The following MAML3 variants were observed in gnomAD, a reference collection of about 807,000 sequenced individuals.
The protein encoded by MAML3 is mastermind-like protein 3.
MAML3 carries 27 observed loss-of-function variants against 101.9 expected under a neutral mutation model. The ratio of observed to expected loss-of-function variants is 0.27; its 90% CI spans 0.20 to 0.37. MAML3 has a LOEUF of 0.37. Among genes scored for constraint, MAML3 ranks in the 10% least tolerant of loss-of-function variants. The pLI is 1.00. For synonymous variants in MAML3, 501 were observed against 555.9 expected (o/e 0.90, Z 1.39); for missense variants, 1,316 against 1,444.9 (o/e 0.91, Z 1.45).
At chr4:140,096,758 T>C (rs1250677385) in intron 1 of MAML3, among the ~76,000 whole-genome samples, 2 of 152,100 alleles carry the variant, frequency 1.3e-5, no homozygotes. Context: ...CAAACCCTAA[T>C]GACACCATCA....
intron 1 of MAML3, among the ~76,000 whole-genome samples, chr4:140,104,395 T>TAA (rs1491536300): frequency 3.2e-5 from 1 of 31,080 alleles, no homozygotes; most frequent in Non-Finnish European, 9.0e-5. Context: ...ATATTATATA[T>TAA]TATATAATAT....
intron 2 of MAML3, among the ~76,000 whole-genome samples, chr4:139,851,144 A>G (rs1731539934): frequency 6.6e-6 from 1 of 152,174 alleles, no homozygotes; most frequent in African/African-American, 2.4e-5. Context: ...TGGTTTTATA[A>G]TCTTACAGCC....
In MAML3 at chr4:139,768,694, C is replaced by T. The variant is rs79632043; in HGVS notation, c.2080-38027G>A. On this transcript the variant is annotated intron_variant, in intron 2 of 4. Transcript: ENST00000509479. ...ACTACGCTGATGTTGAGAAGGTAGC[C>T]TTGGTGGGCCAGGGCAGAGACCAGT... 2.2e-4 allele frequency among the ~76,000 whole-genome samples: 34 copies of T among 152,322 alleles called. No individual in the cohort carries two copies. In the East Asian group the frequency reaches 6.6e-3, roughly 29 times the overall value.
rs1169183094 is a variant in MAML3 at position 139,735,716 on chromosome 4, A to G, written c.2080-5049T>C. ...TAATTTAGCCTCTCGACTCCAGCCTATATGCTTACAAGTCCTCAGGGGACT... is the reference window on the plus strand; with the variant it reads ...TAATTTAGCCTCTCGACTCCAGCCTGTATGCTTACAAGTCCTCAGGGGACT... On this transcript the variant is annotated intron_variant, in intron 2 of 4. Coordinates refer to ENST00000509479, the MANE Select transcript of MAML3 (RefSeq NM_018717.5). The surrounding 1 kb of genome is among the most constrained non-coding windows in gnomAD (Gnocchi z 5.8). Among the ~76,000 whole-genome samples the G allele has an allele frequency of 6.6e-6, 1 of 152,190 alleles. No homozygotes were observed. Among genetic ancestry groups the G allele is most frequent in the Non-Finnish European group, 1.5e-5 (1 of 68,018 alleles).
At position 139,989,874 on chromosome 4, in the gene MAML3, CACACACACAGAGAG is replaced by C. The variant is rs756991412; in HGVS notation, c.469-98921_469-98908del. 3.1e-3 allele frequency among the ~76,000 whole-genome samples: 417 copies of C among 135,432 alleles called. 4 individuals are homozygous for C. Among genetic ancestry groups the C allele is most frequent in the African/African-American group, 0.01 (336 of 33,508 alleles). The allele number at this position is 135,432 out of a possible 152,430, so 88.8% of individuals were successfully genotyped here. On this transcript the variant is annotated intron_variant, in intron 1 of 4. Transcript: ENST00000509479. ...AAACACACACACACACACACACACA[CACACACACAGAGAG>C]AGAGAGAGAGAGAAAGAGAGAGAGA... is the stretch of plus-strand genomic sequence containing the variant.
At chr4:139,763,466 T>G (rs534823651) in intron 2 of MAML3, among the ~76,000 whole-genome samples, 14 of 152,340 alleles carry the variant, frequency 9.2e-5, no homozygotes, top group African/African-American at 3.1e-4. Flanking sequence ...GTGAGTTCCC[T>G]GCACCAGGGC....
intron 2 of MAML3, among the ~76,000 whole-genome samples, chr4:139,827,876 T>C (rs770926188): frequency 6.6e-6 from 1 of 152,312 alleles, no homozygotes; most frequent in African/African-American, 2.4e-5. Flanking sequence ...GCTGAGGTGA[T>C]TGCCTCAAAA....
At chr4:140,022,950 C>G (rs1474514705) in intron 1 of MAML3, among the ~76,000 whole-genome samples, 1 of 152,134 alleles carries the variant, frequency 6.6e-6, no homozygotes, top group Non-Finnish European at 1.5e-5. Context: ...CACAGAGTAG[C>G]TTTTACCCAA....
At chr4:139,923,794 T>G (rs1359712731) in intron 1 of MAML3, among the ~76,000 whole-genome samples, 1 of 152,184 alleles carries the variant, frequency 6.6e-6, no homozygotes, top group Admixed American at 6.5e-5. Flanking sequence ...GTTACTGACC[T>G]TATTGTTGGT....
chr4:140,020,674 T>C (rs1726718228), intron 1 of MAML3, among the ~76,000 whole-genome samples: 1 of 151,924 alleles, frequency 6.6e-6, no homozygotes, highest in African/African-American at 2.4e-5. Flanking sequence ...AATGGAAGAG[T>C]GCTGACAATA....
At position 139,888,655 on chromosome 4, in the gene MAML3, G is replaced by A. The variant is rs76155551; in HGVS notation, c.2079+702C>T. The A allele has an allele frequency of 4.7e-3, 2,447 of 518,978 alleles. 36 individuals are homozygous for A. The highest frequency in any genetic ancestry group is 0.043 in the African/African-American group (2,229 of 52,056). 32.1% of individuals were successfully genotyped at this position (518,978 alleles called of 1,614,324 possible). On this transcript the variant is annotated intron_variant, in intron 2 of 4. Transcript: ENST00000509479. Reference sequence around the variant, plus strand: ...AACCTCCCATGAAGGAGGACAGTGGGAAAGTAGAGACTTTAATACAGCACT... The same window carrying A: ...AACCTCCCATGAAGGAGGACAGTGGAAAAGTAGAGACTTTAATACAGCACT...
chr4:139,985,555 G>T (rs1189672903), intron 1 of MAML3, among the ~76,000 whole-genome samples: 1 of 152,238 alleles, frequency 6.6e-6, no homozygotes, highest in Non-Finnish European at 1.5e-5. Context: ...AGTGAAACTT[G>T]CCCAACTAAC....
At chr4:139,861,477 A>ATTGTGTGTGTGTG (rs1553960820) in intron 2 of MAML3, among the ~76,000 whole-genome samples, 1 of 146,394 alleles carries the variant, frequency 6.8e-6, no homozygotes, top group African/African-American at 2.6e-5. Context: ...TAACCAGCCG[A>ATTGTGTGTGTGTG]TGTGTGTGTG....
chr4:139,903,493 C>T (rs1732765548), intron 1 of MAML3, among the ~76,000 whole-genome samples: 1 of 152,178 alleles, frequency 6.6e-6, no homozygotes, highest in African/African-American at 2.4e-5. Flanking sequence ...TAGGGATACA[C>T]AAAGGTGGTA....
chr4:139,982,891 A>G (rs984406279), intron 1 of MAML3, among the ~76,000 whole-genome samples: 10 of 152,184 alleles, frequency 6.6e-5, no homozygotes, highest in African/African-American at 2.4e-4. Flanking sequence ...AGAAGTGTTT[A>G]TCTGCACCCC....
chr4:140,148,644 C>A (rs144811097), intron 1 of MAML3, among the ~76,000 whole-genome samples: 68 of 152,118 alleles, frequency 4.5e-4, no homozygotes, highest in African/African-American at 1.5e-3. Flanking sequence ...TGATACAGAG[C>A]CAGTAATTTA....
At chr4:140,060,297 G>C (rs1242569611) in intron 1 of MAML3, among the ~76,000 whole-genome samples, 2 of 143,448 alleles carry the variant, frequency 1.4e-5, no homozygotes, top group Non-Finnish European at 3.0e-5. Flanking sequence ...ACCCGGGAGG[G>C]GGAGGTTGCA....
intron 1 of MAML3, among the ~76,000 whole-genome samples, chr4:140,072,102 A>T (rs2110954955): frequency 6.6e-6 from 1 of 152,300 alleles, no homozygotes; most frequent in African/African-American, 2.4e-5. Context: ...ACAGTATTAA[A>T]AGTGAAGAAA....
chr4:140,136,995 G>T (rs1728898602), intron 1 of MAML3, among the ~76,000 whole-genome samples: 1 of 152,132 alleles, frequency 6.6e-6, no homozygotes, highest in Admixed American at 6.5e-5. Context: ...GAGATTTTTT[G>T]TTTTTGTTTT....
Sources: gnomAD v4.1 joint callset for allele counts (sites outside exome capture counted in the v4.1 genomes callset) on GRCh38, gnomAD v4.1.1 for gene constraint, Gnocchi (gnomAD v3.1) non-coding constraint, MANE v1.5 for transcripts, NCBI Gene and HGNC (gene_info 2026-07-23, HGNC 2026-07-21) for gene names.